Variants in KALRN observed in about 807,000 individuals in gnomAD.
The protein encoded by KALRN is kalirin RhoGEF kinase.
A neutral mutation model predicts 353.7 loss-of-function variants in KALRN; 70 were observed. That is an observed-to-expected ratio of 0.20 (90% confidence interval 0.16 to 0.24). The LOEUF (loss-of-function observed/expected upper bound fraction) is 0.24. Ranked by LOEUF, KALRN falls within the 10% of genes least tolerant of loss-of-function variation. KALRN has a pLI of 1.00. For synonymous variants in KALRN, 1,391 were observed against 1,434.8 expected (o/e 0.97, Z 0.69); for missense variants, 2,791 against 3,756.7 (o/e 0.74, Z 6.72).
rs1364580581 is a variant in KALRN, at chr3:124,334,190, C to A, written c.1417-75C>A. The A allele has an allele frequency of 1.6e-6, 2 of 1,280,970 alleles. No individual in the cohort carries two copies. Among genetic ancestry groups the A allele is most frequent in the African/African-American group, 1.5e-5 (1 of 68,820 alleles). The allele number at this position is 1,280,970 out of a possible 1,614,324, so 79.4% of individuals were successfully genotyped here. ...GAAGGCCTAGTCAGGGACCCTCAGG[C>A]AGACACTTCCTGCTTCTCTCTGTGC... On this transcript the variant is annotated intron_variant, in intron 8 of 59. Coordinates refer to ENST00000682506, the MANE Select transcript of KALRN (RefSeq NM_001388419.1). This position sits in a 1 kb window ranked among gnomAD's most constrained non-coding sequence, Gnocchi z 4.2.
At chr3:124,047,670 T>G (rs372718015) in intron 1 of KALRN, among the ~76,000 whole-genome samples, 1 of 104,320 alleles carries the variant, frequency 9.6e-6, no homozygotes, top group Non-Finnish European at 2.0e-5. Flanking sequence ...TTTTTTTTTA[T>G]TTTTTTTTAT....
chr3:124,093,264 A>AT (rs1320999349), intron 1 of KALRN, among the ~76,000 whole-genome samples: 2 of 152,212 alleles, frequency 1.3e-5, no homozygotes, highest in East Asian at 3.9e-4. Flanking sequence ...TGAGGGAGAC[A>AT]TGCCTCCAGT....
intron 10 of KALRN, among the ~76,000 whole-genome samples, chr3:124,362,499 A>G (rs1295891274): frequency 3.3e-5 from 5 of 152,264 alleles, no homozygotes; most frequent in Non-Finnish European, 5.9e-5. Flanking sequence ...TGCACAAGGC[A>G]TATGCCCAGC....
At chr3:124,634,155 G>C (rs941478398) in intron 36 of KALRN, among the ~76,000 whole-genome samples, 1 of 152,142 alleles carries the variant, frequency 6.6e-6, no homozygotes, top group Non-Finnish European at 1.5e-5. Flanking sequence ...GGCAGTGGAG[G>C]GGGTGTGTGC....
intron 10 of KALRN, among the ~76,000 whole-genome samples, chr3:124,366,693 C>A (rs1343939716): frequency 3.3e-5 from 5 of 152,128 alleles, no homozygotes; most frequent in South Asian, 2.1e-4. Flanking sequence ...CATTGTCATC[C>A]TGGCCCGTTC....
At chr3:124,694,012 A>T (rs2061943850) in intron 52 of KALRN, among the ~76,000 whole-genome samples, 181 bp downstream of exon 52, 1 of 152,224 alleles carries the variant, frequency 6.6e-6, no homozygotes, top group Non-Finnish European at 1.5e-5. Flanking sequence ...GTATAATGGG[A>T]TCCAAGTTTT....
At position 124,671,708 on chromosome 3, in the gene KALRN, T is replaced by C; in HGVS notation, c.6752T>C (p.Val2251Ala). ...EYQRKERSTA[V>A]MRSQPARLPQ... ...CAACGGAAAGAAAGGAGCACAGCTGTGATGAGGTCTCAACCTGCCAGGCTT... is the reference window on the plus strand; with the variant it reads ...CAACGGAAAGAAAGGAGCACAGCTGCGATGAGGTCTCAACCTGCCAGGCTT... Residue 2251 changes from valine to alanine, a missense_variant, in exon 48 of 60, where the codon GTG becomes GCG. Around this residue, in one of 11 missense-constraint regions of KALRN, gnomAD observed 1,065 missense variants for 1,156.4 expected, o/e 0.92. Transcript: ENST00000682506. The C allele has an allele frequency of 6.2e-7, 1 of 1,614,118 alleles. No homozygotes were observed. The highest frequency in any genetic ancestry group is 8.5e-7 in the Non-Finnish European group (1 of 1,180,028).
chr3:124,587,402 C>A (rs1232110245), intron 34 of KALRN, among the ~76,000 whole-genome samples: 1 of 152,124 alleles, frequency 6.6e-6, no homozygotes, highest in Non-Finnish European at 1.5e-5. Flanking sequence ...TTAAAGGATA[C>A]CTCCTTCTAA....
chr3:124,196,199 T>C (rs529751695), intron 1 of KALRN, among the ~76,000 whole-genome samples: 136 of 152,306 alleles, frequency 8.9e-4, no homozygotes, highest in Middle Eastern at 6.8e-3. Flanking sequence ...AGGTTGTCTA[T>C]CTTAGTCTCA....
At chr3:124,355,304 T>C (rs1190567106) in intron 10 of KALRN, among the ~76,000 whole-genome samples, 3 of 152,210 alleles carry the variant, frequency 2.0e-5, no homozygotes, top group Non-Finnish European at 4.4e-5. Context: ...AAATAATAAT[T>C]ATACTGTCAC....
chr3:124,243,211 A>G (rs1290799354), intron 3 of KALRN, among the ~76,000 whole-genome samples: 1 of 152,176 alleles, frequency 6.6e-6, no homozygotes, highest in African/African-American at 2.4e-5. Flanking sequence ...TTCCATGGCC[A>G]TGCCACCATT....
At position 124,515,977 on chromosome 3, in the gene KALRN, T is replaced by G. The variant is rs570783198; in HGVS notation, c.4935+19564T>G. Among the ~76,000 whole-genome samples, 20 of 152,294 alleles carry G rather than the reference T, an allele frequency of 1.3e-4. No individual in the cohort carries two copies. In the South Asian group the frequency reaches 3.7e-3, roughly 28 times the overall value. Reference sequence around the variant, plus strand: ...AGTGTTCAGTATCACCCATATGAGTTTATCACCTATTTCCTATTTCTCACA... The same window carrying G: ...AGTGTTCAGTATCACCCATATGAGTGTATCACCTATTTCCTATTTCTCACA... On this transcript the variant is annotated intron_variant, in intron 33 of 59. Coordinates refer to ENST00000682506, the MANE Select transcript of KALRN (RefSeq NM_001388419.1).
chr3:124,127,692 A>G (rs2149662773), intron 1 of KALRN, among the ~76,000 whole-genome samples: 1 of 152,280 alleles, frequency 6.6e-6, no homozygotes, highest in South Asian at 2.1e-4. Context: ...TGAGACAGCT[A>G]ATTTTATTGT....
At chr3:124,573,424 T>A (rs1578080579) in intron 34 of KALRN, among the ~76,000 whole-genome samples, 1 of 152,186 alleles carries the variant, frequency 6.6e-6, no homozygotes, top group East Asian at 1.9e-4. Context: ...TAGGGCTGAG[T>A]ACAGGGTGTT....
At chr3:124,376,524 G>A (rs1463908213) in intron 10 of KALRN, among the ~76,000 whole-genome samples, 1 of 152,192 alleles carries the variant, frequency 6.6e-6, no homozygotes, top group Non-Finnish European at 1.5e-5. Context: ...AACAGATGGA[G>A]GAGAAATATA....
intron 1 of KALRN, among the ~76,000 whole-genome samples, chr3:124,173,856 C>T (rs1430674131): frequency 6.6e-6 from 1 of 151,972 alleles, no homozygotes; most frequent in African/African-American, 2.4e-5. Context: ...CCTCGTGATC[C>T]GCCCACCTCG....
At chr3:124,498,875 G>T (rs1206338729) in intron 33 of KALRN, among the ~76,000 whole-genome samples, 1 of 151,818 alleles carries the variant, frequency 6.6e-6, no homozygotes, top group African/African-American at 2.4e-5. Flanking sequence ...AGCAGTGTCA[G>T]ATTTTCCCCT....
chr3:124,439,544 G>T (rs1340416623), intron 18 of KALRN, among the ~76,000 whole-genome samples: 3 of 152,078 alleles, frequency 2.0e-5, no homozygotes, highest in Admixed American at 2.0e-4. Flanking sequence ...TATAAGCTTA[G>T]ATATAAAACA....
intron 27 of KALRN, among the ~76,000 whole-genome samples, chr3:124,482,266 A>G (rs556945587): frequency 2.0e-5 from 3 of 152,362 alleles, no homozygotes; most frequent in Non-Finnish European, 4.4e-5. Flanking sequence ...TATAAGAAAT[A>G]AAGTGATGAC....
Sources: allele counts gnomAD v4.1 joint callset (sites outside exome capture counted in the v4.1 genomes callset), GRCh38; gene constraint gnomAD v4.1.1; regional missense constraint gnomAD v4.1.1; non-coding constraint Gnocchi (gnomAD v3.1); transcripts MANE v1.5; gene names NCBI Gene and HGNC (gene_info 2026-07-23, HGNC 2026-07-21).